CCPG1: variants seen among roughly 807,000 people sequenced by gnomAD.
CCPG1 encodes the protein cell cycle progression 1, also known as cell cycle progression protein 1.
A neutral mutation model predicts 81.3 loss-of-function variants in CCPG1; 46 were observed. That is an observed-to-expected ratio of 0.57 (90% CI 0.45 to 0.72). The LOEUF (loss-of-function observed/expected upper bound fraction) is 0.72, where lower values mean the gene tolerates loss of function less well. Ranked by LOEUF, CCPG1 falls within the 30% of genes least tolerant of loss-of-function variation. The probability of loss-of-function intolerance (pLI) is 0.00; values close to 1 mark genes in which losing one functional copy is unlikely to be tolerated. For synonymous variants in CCPG1, 330 were observed against 305.2 expected, an observed-to-expected ratio of 1.08 and a Z score of -0.85; for missense variants, 902 against 937.6, an observed-to-expected ratio of 0.96 and a Z score of 0.50.
At chr15:55,381,711 T>C (rs2056699904) in intron 3 of CCPG1, among the ~76,000 whole-genome samples, 1 of 152,218 alleles carries the variant, frequency 6.6e-6, no homozygotes, top group Non-Finnish European at 1.5e-5. Flanking sequence ...AAAAAGTTAA[T>C]GAAGTAATTT....
intron 6 of CCPG1, among the ~76,000 whole-genome samples, chr15:55,370,884 A>AGGAGAGAGTCAATGG (rs2056433368): frequency 7.6e-6 from 1 of 131,376 alleles, no homozygotes. Context: ...TCAAAAAAAA[A>AGGAGAGAGTCAATGG]GAAAAAAAAA....
intron 8 of CCPG1, chr15:55,358,869 A>G: frequency 1.0e-6 from 1 of 967,230 alleles, no homozygotes; most frequent in Non-Finnish European, 1.2e-6. Flanking sequence ...ATTTATTCAG[A>G]AAGATTAAGT....
intron 3 of CCPG1, among the ~76,000 whole-genome samples, chr15:55,379,103 G>A (rs182183411): frequency 7.9e-5 from 10 of 126,786 alleles, no homozygotes; most frequent in Admixed American, 6.6e-4. Flanking sequence ...GCCTGGTACC[G>A]TAAGAATAAA....
chr15:55,360,131 C>G lies in CCPG1; in HGVS notation c.1642G>C (p.Gly548Arg). 6.2e-7 allele frequency: 1 copy of G among 1,613,028 alleles called. No individual in the cohort carries two copies. Among genetic ancestry groups the G allele is most frequent in the Admixed American group, 1.7e-5 (1 of 59,892 alleles). Residue 548 changes from glycine (G) to arginine (R), a missense_variant, in exon 8 of 9, where the codon GGT becomes CGT. Physicochemically the swap from Gly to Arg is moderately radical, Grantham distance 125 (BLOSUM62 -2). Transcript: ENST00000442196. ...DTTKNIFDEK[G>R]NKRFGATKEA... ...TTTGTAGCACCAAATCTTTTATTAC[C>G]CTTTTCATCAAAGATATTCTTGGTG...
At chr15:55,397,710 C>G (rs958390446) in intron 1 of CCPG1, among the ~76,000 whole-genome samples, 22 of 152,288 alleles carry the variant, frequency 1.4e-4, no homozygotes, top group Non-Finnish European at 2.8e-4. Context: ...GGCATGGTGG[C>G]TCACACCTGT....
chr15:55,366,979 T>C (rs1016939509), intron 6 of CCPG1, among the ~76,000 whole-genome samples: 1 of 152,216 alleles, frequency 6.6e-6, no homozygotes, highest in African/African-American at 2.4e-5. Flanking sequence ...AAGGATGCAG[T>C]GATCACTATT....
In CCPG1 at chr15:55,371,900, G is replaced by T. The variant is rs774485515; in HGVS notation, c.599C>A (p.Thr200Asn). The T allele has an allele frequency of 9.9e-6, 16 of 1,614,190 alleles. No individual in the cohort carries two copies. The highest frequency in any genetic ancestry group is 1.4e-5 in the Non-Finnish European group (16 of 1,180,024). Residue 200 changes from threonine to asparagine, a missense_variant, in exon 6 of 9, where the codon ACT (threonine) becomes AAT (asparagine). By Grantham distance (65) the Thr-to-Asn change is moderately conservative. Coordinates refer to ENST00000442196, the MANE Select transcript of CCPG1 (RefSeq NM_001204450.2). Reference sequence around the variant, plus strand: ...TTTACTCAACTCCTTAGAAGGTTCAGTTTCTTGTTCAGCAACTAGCCGGTC... The same window carrying T: ...TTTACTCAACTCCTTAGAAGGTTCATTTTCTTGTTCAGCAACTAGCCGGTC... ...SEDRLVAEQETEPSKELSKRQ... is the reference protein window; with the variant it reads ...SEDRLVAEQENEPSKELSKRQ...
chr15:55,406,182 G>A (rs554092041), intron 1 of CCPG1, among the ~76,000 whole-genome samples: 308 of 148,904 alleles, frequency 2.1e-3, no homozygotes, highest in African/African-American at 7.1e-3. Context: ...TCTTTTTAAA[G>A]TAATGTTCAT....
intron 2 of CCPG1, among the ~76,000 whole-genome samples, chr15:55,388,041 C>T (rs1248892539): frequency 1.3e-5 from 2 of 151,842 alleles, no homozygotes. Context: ...ATCCCAGCTA[C>T]TCCAGAGGCT....
Position 55,377,063 on chromosome 15 carries a change from A to C in CCPG1, c.340T>G (p.Leu114Val). ...ACTTCTTGATTTCCAATTTCTTCTAACTTAGGTGGCTCAAGGGTAACAATA... is the reference window on the plus strand; with the variant it reads ...ACTTCTTGATTTCCAATTTCTTCTACCTTAGGTGGCTCAAGGGTAACAATA... ...SDIVTLEPPK[L>V]EEIGNQEVVI... The change falls in exon 5 of 9, where the codon TTA (leucine) becomes GTA (valine). Residue 114 changes from leucine (L) to valine (V), a missense_variant. Leu to Val is a conservative substitution (Grantham distance 32, BLOSUM62 1). This residue lies in a region of CCPG1 where 746 missense variants were observed against 728.6 expected (regional missense o/e 1.02). Coordinates refer to ENST00000442196, the MANE Select transcript of CCPG1 (RefSeq NM_001204450.2). 6.2e-7 allele frequency: 1 copy of C among 1,613,710 alleles called. No homozygotes were observed. The highest frequency in any genetic ancestry group is 8.5e-7 in the Non-Finnish European group (1 of 1,179,746).
At position 55,356,125 on chromosome 15, in the gene CCPG1, A is replaced by ATTG; in HGVS notation, c.*92_*94dup. 2.2e-6 allele frequency: 2 copies of ATTG among 909,648 alleles called. No individual in the cohort carries two copies. The highest frequency in any genetic ancestry group is 3.3e-5 in the South Asian group (2 of 60,720). The allele number at this position is 909,648 out of a possible 1,614,324, so 56.3% of individuals were successfully genotyped here. ...GATACTTAGAAACAAAAGAAAAGACATTGTCATCTTGGTAATTTCATTAGT... is the reference window on the plus strand; with the variant it reads ...GATACTTAGAAACAAAAGAAAAGACATTGTTGTCATCTTGGTAATTTCATTAGT... On this transcript the variant is annotated 3_prime_UTR_variant, in exon 9 of 9. Transcript: ENST00000442196.
rs772151810 is a variant in CCPG1 at position 55,360,103 on chromosome 15, T to G, written c.1670A>C (p.Glu557Ala). Residue 557 changes from glutamate to alanine, a missense_variant, in exon 8 of 9, where the codon GAA becomes GCA. This residue lies in a region of CCPG1 where 746 missense variants were observed against 728.6 expected (regional missense o/e 1.02). Coordinates refer to ENST00000442196, the MANE Select transcript of CCPG1 (RefSeq NM_001204450.2). ...KGNKRFGATK[E>A]AAEKPRTVFS... ...AACTGTTCTTGGTTTTTCAGCTGCT[T>G]CTTTTGTAGCACCAAATCTTTTATT... The G allele has an allele frequency of 6.0e-5, 97 of 1,613,822 alleles. No individual in the cohort carries two copies. The highest frequency in any genetic ancestry group is 7.5e-5 in the Non-Finnish European group (89 of 1,179,936).
chr15:55,360,347 T>G lies in CCPG1; in HGVS notation c.1426A>C (p.Arg476=). 2 of 1,613,924 alleles carry G rather than the reference T, an allele frequency of 1.2e-6. No individual in the cohort carries two copies. The highest frequency in any genetic ancestry group is 1.7e-6 in the Non-Finnish European group (2 of 1,179,990). ...GTTTCCTTTGACTTATTTTTAGCCC[T>G]GTGGCTTCCTCTGCCCCCTTTCTTT... ...GKKKGGRGSH[R]AKNKSKETFL... Residue 476 remains arginine (R), a synonymous_variant, in exon 8 of 9, where the codon AGG becomes CGG. Transcript: ENST00000442196.
At position 55,370,885 on chromosome 15, in the gene CCPG1, GAAA is replaced by G. The variant is rs1210551702; in HGVS notation, c.706+905_706+907del. 9.8e-3 allele frequency among the ~76,000 whole-genome samples: 931 copies of G among 94,630 alleles called. 15 individuals carry two copies. Among genetic ancestry groups the G allele is most frequent in the African/African-American group, 0.029 (887 of 30,582 alleles). The allele number at this position is 94,630 out of a possible 152,430, so 62.1% of individuals were successfully genotyped here. On this transcript the variant is annotated intron_variant, in intron 6 of 8. Transcript: ENST00000442196. ...AGTGAGACTCCGTCTCAAAAAAAAA[GAAA>G]AAAAAAAAAAAAAAGACTTCGAGAC...
intron 5 of CCPG1, among the ~76,000 whole-genome samples, chr15:55,375,447 AAAT>A (rs562117579): frequency 2.3e-4 from 35 of 152,308 alleles, no homozygotes; most frequent in Non-Finnish European, 4.6e-4. Flanking sequence ...GAGTTTAAAA[AAAT>A]AATAATAAAA....
At chr15:55,392,597 T>C (rs984725596) in intron 1 of CCPG1, among the ~76,000 whole-genome samples, 1 of 151,718 alleles carries the variant, frequency 6.6e-6, no homozygotes, top group Non-Finnish European at 1.5e-5. Flanking sequence ...CACAGTTCAT[T>C]GCAGCCTTGA....
intron 5 of CCPG1, 120 bp downstream of exon 5, chr15:55,376,829 G>T (rs1343301758): frequency 2.9e-6 from 2 of 695,686 alleles, no homozygotes; most frequent in Non-Finnish European, 4.8e-6. Context: ...AAATAGTCTT[G>T]TCTTGAGTTT....
chr15:55,357,683 C>G (rs1466847888), intron 8 of CCPG1: 2 of 152,506 alleles, frequency 1.3e-5, no homozygotes, highest in African/African-American at 2.4e-5. Flanking sequence ...AACCCCATCT[C>G]TACTAAAAAT....
chr15:55,358,383 T>A, intron 8 of CCPG1: 4 of 985,410 alleles, frequency 4.1e-6, no homozygotes, highest in Non-Finnish European at 4.8e-6. Context: ...TAAAATACAA[T>A]ATAATCTTAT....
Sources: gnomAD v4.1 joint callset for allele counts (sites outside exome capture counted in the v4.1 genomes callset) on GRCh38, gnomAD v4.1.1 for gene constraint, gnomAD v4.1.1 regional missense constraint, MANE v1.5 for transcripts, NCBI Gene and HGNC (gene_info 2026-07-23, HGNC 2026-07-21) for gene names.